Variants in RFC1 observed in about 807,000 individuals in gnomAD.
The protein encoded by RFC1 is replication factor C subunit 1, also known as A1 140 kDa subunit.
Under a neutral mutation model 137.4 loss-of-function variants are expected in RFC1, and 37 were observed. The ratio of observed to expected loss-of-function variants is 0.27; its 90% CI spans 0.21 to 0.35. RFC1 has a LOEUF of 0.35. Among genes scored for constraint, RFC1 ranks in the 10% least tolerant of loss-of-function variants. RFC1 has a pLI of 1.00. For missense variants in RFC1, 1,205 were observed against 1,358.5 expected, an observed-to-expected ratio of 0.89 and a Z score of 1.78; for synonymous variants, 429 against 455.7, an observed-to-expected ratio of 0.94 and a Z score of 0.75.
chr4:39,343,770 G>A (rs1740717343), intron 3 of RFC1, among the ~76,000 whole-genome samples: 1 of 152,162 alleles, frequency 6.6e-6, no homozygotes, highest in South Asian at 2.1e-4. Flanking sequence ...TGATAGTACT[G>A]TGAAAATTTT....
chr4:39,315,326 C>T (rs1739186172), intron 10 of RFC1, among the ~76,000 whole-genome samples: 1 of 152,236 alleles, frequency 6.6e-6, no homozygotes, highest in Admixed American at 6.5e-5. Context: ...TGATCCCACG[C>T]TTATCAAACT....
At chr4:39,299,279 C>T (rs1005041838) in intron 21 of RFC1, among the ~76,000 whole-genome samples, 111 of 152,220 alleles carry the variant, frequency 7.3e-4, no homozygotes, top group Admixed American at 4.2e-3. Flanking sequence ...AATAAATACA[C>T]GGGTAAATCT....
chr4:39,314,843 G>A (rs553774963), intron 10 of RFC1, among the ~76,000 whole-genome samples: 115 of 151,938 alleles, frequency 7.6e-4, no homozygotes, highest in Non-Finnish European at 8.1e-4. Flanking sequence ...CTCCCCTCCT[G>A]CCTTCTTAGA....
chr4:39,359,072 C>T (rs1252204595), intron 1 of RFC1, among the ~76,000 whole-genome samples: 2 of 152,170 alleles, frequency 1.3e-5, no homozygotes, highest in African/African-American at 4.8e-5. Flanking sequence ...TTCCCCATCT[C>T]CATGCATAGC....
chr4:39,294,672 TA>T (rs1193684558), intron 22 of RFC1, among the ~76,000 whole-genome samples: 1,668 of 80,256 alleles, frequency 0.021, 9 homozygotes, highest in Middle Eastern at 0.098. Flanking sequence ...TCTGTCTCAA[TA>T]AAAAAAAAAA....
Position 39,311,456 on chromosome 4 carries a change from C to A in RFC1, c.1477G>T (p.Val493Phe). 6.2e-7 allele frequency: 1 copy of A among 1,613,172 alleles called. No individual in the cohort carries two copies. The highest frequency in any genetic ancestry group is 8.5e-7 in the Non-Finnish European group (1 of 1,179,282). ...PGKKSKYEIA[V>F]ETEMKKESKL... ...CATTTTATACGAACCTCAGTTTCAA[C>A]TGCTATTTCATACTTGGATTTCTTG... Residue 493 changes from valine (V) to phenylalanine (F), a missense_variant, in exon 12 of 25, where the codon GTT (valine) becomes TTT (phenylalanine). Val to Phe is a conservative substitution (Grantham distance 50). Coordinates refer to ENST00000349703, the MANE Select transcript of RFC1 (RefSeq NM_002913.5).
chr4:39,362,242 T>A (rs2109784464), intron 1 of RFC1, among the ~76,000 whole-genome samples: 1 of 152,308 alleles, frequency 6.6e-6, no homozygotes, highest in East Asian at 1.9e-4. Context: ...TTCCCTAAAT[T>A]GACCTACAGA....
intron 1 of RFC1, among the ~76,000 whole-genome samples, chr4:39,355,137 A>ACACACACACAC (rs1560624337): frequency 2.1e-5 from 3 of 139,782 alleles, no homozygotes; most frequent in African/African-American, 7.9e-5. Flanking sequence ...ACACACACAC[A>ACACACACACAC]ACAGGCCAGG....
intron 12 of RFC1, 36 bp downstream of exon 12, chr4:39,311,409 A>G: frequency 6.5e-7 from 1 of 1,544,436 alleles, no homozygotes; most frequent in Non-Finnish European, 8.9e-7. Context: ...AAAAGTTAAT[A>G]TACACCAACT....
At chr4:39,338,350 T>C (rs749265565) in intron 4 of RFC1, among the ~76,000 whole-genome samples, 1 of 152,208 alleles carries the variant, frequency 6.6e-6, no homozygotes, top group Non-Finnish European at 1.5e-5. Flanking sequence ...TGTATAATAA[T>C]ATAAGCAAAA....
chr4:39,363,240 C>T (rs190604137), intron 1 of RFC1, among the ~76,000 whole-genome samples: 1 of 152,312 alleles, frequency 6.6e-6, no homozygotes, highest in African/African-American at 2.4e-5. Flanking sequence ...TTCAAATTGT[C>T]TACATGGCTT....
chr4:39,364,601 A>G (rs550131689), intron 1 of RFC1, among the ~76,000 whole-genome samples: 145 of 152,342 alleles, frequency 9.5e-4, no homozygotes, highest in African/African-American at 3.3e-3. Flanking sequence ...TAAATGACAG[A>G]GGAATCTACC....
At chr4:39,336,042 A>G (rs1250304394) in intron 4 of RFC1, among the ~76,000 whole-genome samples, 2 of 152,150 alleles carry the variant, frequency 1.3e-5, no homozygotes, top group East Asian at 3.8e-4. Flanking sequence ...TCGGAACCTC[A>G]GTATCTTAGT....
chr4:39,316,054 A>C (rs528302226), intron 10 of RFC1, among the ~76,000 whole-genome samples: 2 of 152,160 alleles, frequency 1.3e-5, no homozygotes, highest in African/African-American at 4.8e-5. Context: ...AACATGGAGA[A>C]ACCCCATCTC....
chr4:39,346,188 T>C (rs1435497509), intron 2 of RFC1, among the ~76,000 whole-genome samples: 2 of 152,086 alleles, frequency 1.3e-5, no homozygotes, highest in East Asian at 1.9e-4. Flanking sequence ...GGAAACTAAA[T>C]AGAACCAGCC....
In RFC1 at chr4:39,347,572, AC is replaced by A. The variant is rs1740918419; in HGVS notation, c.133-2097del. ...AAACAAACAAACAAACAAAAACAAA[AC>A]AAAACCTAAAATACAGAAGTGACTT... On this transcript the variant is annotated intron_variant, in intron 2 of 24. Coordinates refer to ENST00000349703, the MANE Select transcript of RFC1 (RefSeq NM_002913.5). Among the ~76,000 whole-genome samples the A allele has an allele frequency of 3.3e-5, 5 of 152,308 alleles. No individual in the cohort carries two copies. The South Asian group carries it at 1.0e-3, about 32-fold the overall frequency.
chr4:39,333,864 T>G (rs987065951), intron 4 of RFC1, among the ~76,000 whole-genome samples: 2 of 152,250 alleles, frequency 1.3e-5, no homozygotes, highest in African/African-American at 4.8e-5. Context: ...TGAGAAAAAT[T>G]TAATTACACA....
Position 39,300,292 on chromosome 4 carries a change from T to C in RFC1, c.2658A>G (p.Glu886=). Residue 886 remains glutamate, a synonymous_variant, in exon 20 of 25, where the codon GAA becomes GAG. Transcript: ENST00000349703. ...CTACAGGCTTCACGTGTATGTAATT[T>C]TCCTGGACGAAGAGGGGTGCTATTG... is the stretch of plus-strand genomic sequence containing the variant. ...DYSIAPLFVQ[E]NYIHVKPVAA... The C allele has an allele frequency of 5.6e-6, 9 of 1,614,186 alleles. No homozygotes were observed. The highest frequency in any genetic ancestry group is 7.6e-6 in the Non-Finnish European group (9 of 1,180,020).
At chr4:39,306,168 G>A (rs760339571) in intron 14 of RFC1, among the ~76,000 whole-genome samples, 14 of 152,180 alleles carry the variant, frequency 9.2e-5, no homozygotes, top group South Asian at 2.1e-4. Context: ...TCGCGCTACC[G>A]GGTGAAAACT....
Sources: allele counts gnomAD v4.1 joint callset (sites outside exome capture counted in the v4.1 genomes callset), GRCh38; gene constraint gnomAD v4.1.1; transcripts MANE v1.5; gene names NCBI Gene and HGNC (gene_info 2026-07-23, HGNC 2026-07-21).